The following FAM227B variants were observed in gnomAD, a reference collection of about 807,000 sequenced individuals.
FAM227B encodes family with sequence similarity 227 member B, also known as protein FAM227B.
A neutral mutation model predicts 73.8 loss-of-function variants in FAM227B; 88 were observed. The ratio of observed to expected loss-of-function variants is 1.19; its 90% CI spans 1.00 to 1.42. The LOEUF (loss-of-function observed/expected upper bound fraction) is 1.42. FAM227B is among the 40% of genes most tolerant of loss of function. FAM227B has a pLI of 0.00. For missense variants in FAM227B, 632 were observed against 590.9 expected, an observed-to-expected ratio of 1.07 and a Z score of -0.72; for synonymous variants, 210 against 190.5, an observed-to-expected ratio of 1.10 and a Z score of -0.84.
chr15:49,592,309 A>G (rs2076628213), intron 3 of FAM227B, among the ~76,000 whole-genome samples: 1 of 152,178 alleles, frequency 6.6e-6, no homozygotes, highest in African/African-American at 2.4e-5. Context: ...GGTTTTATCT[A>G]ACTTTGGTCT....
At chr15:49,333,259 CTCTT>C (rs999065883) in intron 14 of FAM227B, among the ~76,000 whole-genome samples, 10 of 152,144 alleles carry the variant, frequency 6.6e-5, no homozygotes, top group African/African-American at 2.2e-4. Context: ...CTAATCCTCC[CTCTT>C]TCTGATTGCC....
At chr15:49,474,158 C>A (rs1404782800) in intron 11 of FAM227B, among the ~76,000 whole-genome samples, 2 of 151,958 alleles carry the variant, frequency 1.3e-5, no homozygotes, top group African/African-American at 2.4e-5. Context: ...TGGTCTATAT[C>A]AAGGAAAATA....
intron 11 of FAM227B, among the ~76,000 whole-genome samples, chr15:49,482,104 T>C (rs1290318304): frequency 6.6e-6 from 1 of 152,184 alleles, no homozygotes; most frequent in African/African-American, 2.4e-5. Flanking sequence ...CTTTGACTTT[T>C]CTTTGCACTG....
intron 11 of FAM227B, among the ~76,000 whole-genome samples, chr15:49,384,929 T>G (rs1212998530): frequency 1.3e-5 from 2 of 152,016 alleles, no homozygotes; most frequent in Admixed American, 6.6e-5. Context: ...ACTATTCTGT[T>G]TTTCAGACCA....
At chr15:49,535,135 A>G (rs973403319) in intron 10 of FAM227B, among the ~76,000 whole-genome samples, 1 of 151,878 alleles carries the variant, frequency 6.6e-6, no homozygotes, top group Non-Finnish European at 1.5e-5. Flanking sequence ...TTAAAAATCA[A>G]TAAAACTAAG....
chr15:49,554,808 A>T (rs527494154), intron 9 of FAM227B, among the ~76,000 whole-genome samples: 1 of 151,732 alleles, frequency 6.6e-6, no homozygotes, highest in Non-Finnish European at 1.5e-5. Context: ...CTGTGTAGAT[A>T]GTTGTTAACT....
intron 13 of FAM227B, among the ~76,000 whole-genome samples, chr15:49,346,606 A>G (rs1485198280): frequency 6.6e-6 from 1 of 152,148 alleles, no homozygotes; most frequent in Non-Finnish European, 1.5e-5. Context: ...GACCTCGGTG[A>G]TAACAGAATG....
chr15:49,521,082 G>A (rs965001467), intron 10 of FAM227B, among the ~76,000 whole-genome samples: 3 of 152,148 alleles, frequency 2.0e-5, no homozygotes, highest in Non-Finnish European at 1.5e-5. Flanking sequence ...GTGTGTTCAC[G>A]CTCCCCTCAA....
At chr15:49,598,821 C>A (rs1317402785) in intron 3 of FAM227B, among the ~76,000 whole-genome samples, 1 of 151,872 alleles carries the variant, frequency 6.6e-6, no homozygotes, top group Non-Finnish European at 1.5e-5. Flanking sequence ...GTATATGATC[C>A]TTTTAATGTA....
chr15:49,534,042 G>A (rs2060820295), intron 10 of FAM227B, among the ~76,000 whole-genome samples: 1 of 151,656 alleles, frequency 6.6e-6, no homozygotes, highest in Admixed American at 6.6e-5. Flanking sequence ...TCTACTGTAG[G>A]TTTTTACTTT....
chr15:49,425,541 A>G (rs562087382), intron 11 of FAM227B: 1 of 152,122 alleles, frequency 6.6e-6, no homozygotes, highest in South Asian at 2.1e-4. Flanking sequence ...ATAATTTCAT[A>G]TTAATTGTTT....
At chr15:49,459,429 T>G (rs12442143) in intron 11 of FAM227B, among the ~76,000 whole-genome samples, 1 of 151,992 alleles carries the variant, frequency 6.6e-6, no homozygotes, top group Non-Finnish European at 1.5e-5. Flanking sequence ...GTTGTACATT[T>G]TTGCAGTGCT....
intron 9 of FAM227B, among the ~76,000 whole-genome samples, chr15:49,550,936 G>C (rs2072894640): frequency 6.6e-6 from 1 of 152,024 alleles, no homozygotes. Flanking sequence ...CAGGCGGCTG[G>C]GAGGTGGAGG....
chr15:49,483,073 A>G, intron 11 of FAM227B: 1 of 830,756 alleles, frequency 1.2e-6, no homozygotes. Context: ...TAAAACAGAA[A>G]TAAGAACAAA....
At chr15:49,415,001 G>A (rs1310931026) in intron 11 of FAM227B, among the ~76,000 whole-genome samples, 1 of 152,098 alleles carries the variant, frequency 6.6e-6, no homozygotes, top group East Asian at 1.9e-4. Flanking sequence ...TTTCATGGAT[G>A]TAGCTCTATA....
Position 49,538,397 on chromosome 15 carries a change from G to A in FAM227B, c.874+3283C>T, listed in dbSNP as rs1161401162. On this transcript the variant is annotated intron_variant, in intron 10 of 15. Transcript: ENST00000299338. ...GGCACAACTGCTCTGGGGGACCTAAGCTTAGGGTCCCTGGAAGGTGAAAGC... is the reference window on the plus strand; with the variant it reads ...GGCACAACTGCTCTGGGGGACCTAAACTTAGGGTCCCTGGAAGGTGAAAGC... Among the ~76,000 whole-genome samples the A allele has an allele frequency of 3.3e-5, 5 of 152,256 alleles. No homozygotes were observed. In the East Asian group the frequency reaches 7.7e-4, roughly 24 times the overall value.
chr15:49,438,042 T>C (rs2051275011), intron 11 of FAM227B, among the ~76,000 whole-genome samples: 2 of 151,570 alleles, frequency 1.3e-5, no homozygotes, highest in Non-Finnish European at 1.5e-5. Flanking sequence ...TGGAAAATAG[T>C]ACATGAAGAA....
chr15:49,429,785 G>T (rs553894712), intron 11 of FAM227B, among the ~76,000 whole-genome samples: 43 of 152,036 alleles, frequency 2.8e-4, no homozygotes, highest in African/African-American at 1.0e-3. Flanking sequence ...TGCTGCCAGG[G>T]ATGAGAACCA....
chr15:49,609,712 A>C (rs983884984), intron 3 of FAM227B, among the ~76,000 whole-genome samples: 2 of 151,990 alleles, frequency 1.3e-5, no homozygotes, highest in Non-Finnish European at 2.9e-5. Flanking sequence ...CAAACAAAAA[A>C]TTAAGCATCT....
Sources: gnomAD v4.1 joint callset for allele counts (sites outside exome capture counted in the v4.1 genomes callset) on GRCh38, gnomAD v4.1.1 for gene constraint, MANE v1.5 for transcripts, NCBI Gene and HGNC (gene_info 2026-07-23, HGNC 2026-07-21) for gene names.